CDAN1: variants seen among roughly 807,000 people sequenced by gnomAD.
The protein encoded by CDAN1 is codanin-1.
A neutral mutation model predicts 139.8 loss-of-function variants in CDAN1; 107 were observed. That is an observed-to-expected ratio of 0.77 (90% CI 0.65 to 0.90). CDAN1 has a LOEUF of 0.90. Among genes scored for constraint, CDAN1 ranks in the 40% least tolerant of loss-of-function variants. The pLI is 0.00. For missense variants in CDAN1, 1,667 were observed against 1,575.7 expected, an observed-to-expected ratio of 1.06 and a Z score of -0.98; for synonymous variants, 776 against 660.6, an observed-to-expected ratio of 1.17 and a Z score of -2.68.
At position 42,727,954 on chromosome 15, in the gene CDAN1, C is replaced by T; in HGVS notation, c.2947+1G>A. 6.2e-7 allele frequency: 1 copy of T among 1,613,792 alleles called. No homozygotes were observed. On this transcript the variant is annotated splice_donor_variant, in intron 22 of 27. Coordinates refer to ENST00000356231, the MANE Select transcript of CDAN1 (RefSeq NM_138477.4). LOFTEE classifies it high-confidence loss of function. ...AGCCACTCCCCCATCCAGGACCTTA[C>T]CTGTGATGTTGGCTGACAGCCAAGC...
rs1265259508 is a variant in CDAN1, at chr15:42,730,173, G to A, written c.2217C>T (p.Phe739=). Residue 739 remains phenylalanine (F), a synonymous_variant, in exon 15 of 28, where the codon TTC becomes TTT. Transcript: ENST00000356231. ...LSQESEGKMC[F]LNKLLLLAVL... ...CAGCAAGTAGCAGCAGCTTGTTCAG[G>A]AAACACATCTTCCCCTCACTCTCCT... 15 of 1,614,176 alleles carry A rather than the reference G, an allele frequency of 9.3e-6. No homozygotes were observed. The highest frequency in any genetic ancestry group is 1.3e-5 in the African/African-American group (1 of 75,024).
intron 11 of CDAN1, 84 bp from the exon 12 acceptor site, chr15:42,731,415 GGGAGCAGCAGGACAGACAGGGAGGCCCA>G: frequency 1.9e-6 from 3 of 1,582,538 alleles, no homozygotes; most frequent in Non-Finnish European, 2.6e-6. Flanking sequence ...CCAGAGGGAA[GGGAGCAGCAGGACAGACAGGGAGGCCCA>G]GGAGCAATGA....
rs551196529 is a variant in CDAN1, at chr15:42,725,623, C to T, written c.3316G>A (p.Glu1106Lys). The T allele has an allele frequency of 1.4e-5, 23 of 1,614,138 alleles. No homozygotes were observed. The African/African-American group carries it at 1.9e-4, about 13-fold the overall frequency. ...AGAAGCCTTCGAGCCTGCCCTCTCT[C>T]CAGCCTGTACTGTGCCGGGGGCCCT... ...ILGPPAQYRL[E>K]RGQARRLLHM... Residue 1106 changes from glutamate to lysine, a missense_variant, in exon 26 of 28, where the codon GAG (glutamate) becomes AAG (lysine). By Grantham distance (56) the Glu-to-Lys change is moderately conservative (BLOSUM62 1). Transcript: ENST00000356231.
In CDAN1 at chr15:42,737,110, G is replaced by A. The variant is rs764807565; in HGVS notation, c.-8C>T. 259 of 1,467,642 alleles carry A rather than the reference G, an allele frequency of 1.8e-4. No individual in the cohort carries two copies. The highest frequency in any genetic ancestry group is 2.2e-4 in the Non-Finnish European group (248 of 1,106,062). 90.9% of individuals were successfully genotyped at this position (1,467,642 alleles called of 1,614,324 possible). A position where few individuals can be genotyped will look rare whatever the true frequency, so the allele number is the denominator to read the frequency against. On this transcript the variant is annotated 5_prime_UTR_variant, in exon 1 of 28. Coordinates refer to ENST00000356231, the MANE Select transcript of CDAN1 (RefSeq NM_138477.4). ...CTCCAAAACGGCCGCCATCCCGGTCGGGGCGCTCTGGGGCGACTGCGCAGG... is the reference window on the plus strand; with the variant it reads ...CTCCAAAACGGCCGCCATCCCGGTCAGGGCGCTCTGGGGCGACTGCGCAGG...
Position 42,736,366 on chromosome 15 carries a change from G to A in CDAN1, c.505C>T (p.Pro169Ser). The change falls in exon 2 of 28, where the codon CCG (proline) becomes TCG (serine). Residue 169 changes from proline (P) to serine (S), a missense_variant. By Grantham distance (74) the Pro-to-Ser change is moderately conservative. Around this residue, in one of 3 missense-constraint regions of CDAN1, gnomAD observed 487 missense variants for 422.2 expected, o/e 1.15. Coordinates refer to ENST00000356231, the MANE Select transcript of CDAN1 (RefSeq NM_138477.4). ...TCCTCCAGGTTGCTGAGGTTTGGCG[G>A]ATCAGACAGCGTGAGGCTGGGGCGG... ...PSRPSLTLSD[P>S]PNLSNLEEFP... 6.2e-7 allele frequency: 1 copy of A among 1,613,822 alleles called. No individual in the cohort carries two copies. The highest frequency in any genetic ancestry group is 8.5e-7 in the Non-Finnish European group (1 of 1,179,978).
At chr15:42,729,414 A>G in intron 17 of CDAN1, 52 bp from the exon 18 acceptor site, 5 of 1,611,800 alleles carry the variant, frequency 3.1e-6, no homozygotes, top group South Asian at 1.1e-5. Context: ...CCCCTCCCTA[A>G]GTATCATGGA....
At chr15:42,733,667 T>C (rs1035722795) in intron 8 of CDAN1, among the ~76,000 whole-genome samples, 3 of 152,132 alleles carry the variant, frequency 2.0e-5, no homozygotes, top group Non-Finnish European at 4.4e-5. Flanking sequence ...TGTACTTCTG[T>C]GGGCAGTGAC....
chr15:42,725,992 A>C (rs959152509), intron 25 of CDAN1, 105 bp downstream of exon 25: 1 of 897,046 alleles, frequency 1.1e-6, no homozygotes, highest in African/African-American at 1.8e-5. Flanking sequence ...AAAAAAAAAA[A>C]AAAAAAAAGG....
Position 42,730,695 on chromosome 15 carries a change from C to G in CDAN1, c.2077G>C (p.Val693Leu). The G allele has an allele frequency of 6.2e-7, 1 of 1,613,836 alleles. No individual in the cohort carries two copies. The highest frequency in any genetic ancestry group is 8.5e-7 in the Non-Finnish European group (1 of 1,179,868). ...GLQARRAVLT[V>L]PWLVEFLSFA... The stretch of plus-strand genomic sequence containing the variant: ...GAGAGAAACTCCACCAGCCAGGGCA[C>G]GGTGAGCACCGCCCGGCGGGCCTGC... The change falls in exon 14 of 28, where the codon GTG becomes CTG. Residue 693 changes from valine to leucine, a missense_variant. Val to Leu is a conservative substitution (Grantham distance 32). Transcript: ENST00000356231.
chr15:42,726,589 A>AG, intron 23 of CDAN1, 172 bp from the exon 24 acceptor site: 1 of 611,120 alleles, frequency 1.6e-6, no homozygotes, highest in Non-Finnish European at 2.9e-6. Flanking sequence ...TAATACAGCC[A>AG]GGGGAAGCAA....
chr15:42,726,498 C>T (rs962968321), intron 23 of CDAN1, 81 bp from the exon 24 acceptor site: 1 of 1,107,710 alleles, frequency 9.0e-7, no homozygotes, highest in African/African-American at 1.6e-5. Flanking sequence ...AGGGATCAGC[C>T]AGTGGAGAGA....
rs1489883715 is a variant in CDAN1 at position 42,731,611 on chromosome 15, G to T, written c.1739+9C>A. On this transcript the variant is annotated intron_variant, in intron 11 of 27. Coordinates refer to ENST00000356231, the MANE Select transcript of CDAN1 (RefSeq NM_138477.4). ...TGCCCCATTCCTTGCAAGACACAGGGGAGCCTACCTGCTGGCACTAAGGAT... is the reference window on the plus strand; with the variant it reads ...TGCCCCATTCCTTGCAAGACACAGGTGAGCCTACCTGCTGGCACTAAGGAT... The T allele has an allele frequency of 1.2e-6, 2 of 1,613,758 alleles. No homozygotes were observed. Among genetic ancestry groups the T allele is most frequent in the South Asian group, 1.1e-5 (1 of 91,052 alleles).
intron 8 of CDAN1, 54 bp downstream of exon 8, chr15:42,733,884 A>C: frequency 7.6e-7 from 1 of 1,316,330 alleles, no homozygotes; most frequent in Non-Finnish European, 1.1e-6. Flanking sequence ...ACAGCTGCCT[A>C]TTCCAGAAAA....
Position 42,725,352 on chromosome 15 carries a change from G to C in CDAN1, c.3451-101C>G. 2.0e-6 allele frequency: 3 copies of C among 1,469,532 alleles called. No individual in the cohort carries two copies. The Admixed American group carries it at 5.1e-5, about 25-fold the overall frequency. The allele number at this position is 1,469,532 out of a possible 1,614,324, so 91.0% of individuals were successfully genotyped here. On this transcript the variant is annotated intron_variant, in intron 26 of 27. Coordinates refer to ENST00000356231, the MANE Select transcript of CDAN1 (RefSeq NM_138477.4). ...GGGCAGAGCTGCTGGGAAGAGACTTGAGATGGATAAATGGAGCCCATTTCT... is the reference window on the plus strand; with the variant it reads ...GGGCAGAGCTGCTGGGAAGAGACTTCAGATGGATAAATGGAGCCCATTTCT...
At chr15:42,728,969 A>G in intron 19 of CDAN1, 54 bp downstream of exon 19, 4 of 1,595,644 alleles carry the variant, frequency 2.5e-6, no homozygotes, top group East Asian at 2.2e-5. Context: ...CAACTGAGGA[A>G]AAAGGGGAAA....
chr15:42,728,930 C>G (rs1380496125), intron 19 of CDAN1, 93 bp downstream of exon 19: 5 of 1,574,774 alleles, frequency 3.2e-6, no homozygotes, highest in Non-Finnish European at 4.4e-6. Flanking sequence ...AGCCCCACAC[C>G]CACCCTCTGG....
intron 16 of CDAN1, 52 bp downstream of exon 16, chr15:42,729,744 A>G: frequency 6.3e-7 from 1 of 1,597,112 alleles, no homozygotes; most frequent in South Asian, 1.1e-5. Flanking sequence ...CAGGCAGCCC[A>G]CTTCCTTTAT....
At position 42,729,056 on chromosome 15, in the gene CDAN1, T is replaced by C. The variant is rs2061572069; in HGVS notation, c.2612A>G (p.Glu871Gly). The change falls in exon 19 of 28, where the codon GAA (glutamate) becomes GGA (glycine). Residue 871 changes from glutamate to glycine, a missense_variant. Glu to Gly is a moderately conservative substitution (Grantham distance 98, BLOSUM62 -2). Transcript: ENST00000356231. ...SLRRTVEFVA[E>G]RIGSNCVKHI... Reference sequence around the variant, plus strand: ...TTTGACACAGTTTGATCCAATTCTTTCTGCCACGAACTCTACGGTCCGGCG... The same window carrying C: ...TTTGACACAGTTTGATCCAATTCTTCCTGCCACGAACTCTACGGTCCGGCG... 6.2e-7 allele frequency: 1 copy of C among 1,614,226 alleles called. No individual in the cohort carries two copies. Among genetic ancestry groups the C allele is most frequent in the Non-Finnish European group, 8.5e-7 (1 of 1,180,048 alleles).
At chr15:42,729,922 A>ACGCGCC in intron 15 of CDAN1, 37 bp from the exon 16 acceptor site, 1 of 1,513,208 alleles carries the variant, frequency 6.6e-7, no homozygotes, top group East Asian at 2.3e-5. Flanking sequence ...AACTTCAGAG[A>ACGCGCC]CCCCCACCCA....
Sources: gnomAD v4.1 joint callset for allele counts (sites outside exome capture counted in the v4.1 genomes callset) on GRCh38, gnomAD v4.1.1 for gene constraint, gnomAD v4.1.1 regional missense constraint, MANE v1.5 for transcripts, NCBI Gene and HGNC (gene_info 2026-07-23, HGNC 2026-07-21) for gene names.